Variants in GBP6 observed in about 807,000 individuals in gnomAD.
GBP6 encodes the protein guanylate-binding protein 6.
A neutral mutation model predicts 61.5 loss-of-function variants in GBP6; 54 were observed. The observed-to-expected ratio is 0.88, with a 90% CI of 0.71 to 1.10. The LOEUF (loss-of-function observed/expected upper bound fraction) is 1.10. Ranked by LOEUF, GBP6 falls within the 50% of genes least tolerant of loss-of-function variation. GBP6 has a pLI of 0.00. For synonymous variants in GBP6, 255 were observed against 273.7 expected (o/e 0.93, Z 0.67); for missense variants, 748 against 752.8 (o/e 0.99, Z 0.07).
chr1:89,379,043 G>C (rs1652886827), intron 5 of GBP6, among the ~76,000 whole-genome samples: 1 of 152,154 alleles, frequency 6.6e-6, no homozygotes, highest in Admixed American at 6.5e-5. Context: ...ATAAAGGAAT[G>C]CCTGAGCCTG....
rs1197180502 is a variant in GBP6, at chr1:89,380,617, C to T, written c.857C>T (p.Thr286Ile). 6.2e-7 allele frequency: 1 copy of T among 1,613,638 alleles called. No homozygotes were observed. Among genetic ancestry groups the T allele is most frequent in the Non-Finnish European group, 8.5e-7 (1 of 1,179,550 alleles). The change falls in exon 6 of 11, where the codon ACA (threonine) becomes ATA (isoleucine). Residue 286 changes from threonine (T) to isoleucine (I), a missense_variant. By Grantham distance (89) the Thr-to-Ile change is moderately conservative. Coordinates refer to ENST00000370456, the MANE Select transcript of GBP6 (RefSeq NM_198460.3). The stretch of plus-strand genomic sequence containing the variant: ...ACCAAGACCCTCAGGGAGGGAATCA[C>T]AGTCACTGGGAATCGTGAGTCTCCT... ...ARTKTLREGI[T>I]VTGNRLGTLA...
At position 89,380,295 on chromosome 1, in the gene GBP6, C is replaced by G; in HGVS notation, c.626-91C>G. ...GGAGGTCTGTAAGCATAGAAGATGG[C>G]AAAAAGACAATACACCCTATCAAAA... On this transcript the variant is annotated intron_variant, in intron 5 of 10. Transcript: ENST00000370456. The G allele has an allele frequency of 6.9e-6, 8 of 1,163,546 alleles. No individual in the cohort carries two copies. In the South Asian group the frequency reaches 1.2e-4, roughly 17 times the overall value. 72.1% of individuals were successfully genotyped at this position (1,163,546 alleles called of 1,614,324 possible).
chr1:89,385,390 T>C lies in GBP6; in HGVS notation c.1823T>C (p.Leu608Ser), dbSNP rs1293894812. 1 of 1,614,172 alleles carries C rather than the reference T, an allele frequency of 6.2e-7. No homozygotes were observed. Among genetic ancestry groups the C allele is most frequent in the Middle Eastern group, 1.6e-4 (1 of 6,062 alleles). ...DNLADELTAI[L>S]SAPAKLIGHG... ...CTTGCCGATGAGCTAACTGCAATAT[T>C]GTCTGCTCCTGCTAAATTAATTGGT... The change falls in exon 11 of 11, where the codon TTG (leucine) becomes TCG (serine). Residue 608 changes from leucine to serine, a missense_variant. Leu to Ser is a moderately radical substitution (Grantham distance 145). Coordinates refer to ENST00000370456, the MANE Select transcript of GBP6 (RefSeq NM_198460.3).
intron 3 of GBP6, among the ~76,000 whole-genome samples, chr1:89,371,452 A>G (rs1253496183): frequency 6.6e-6 from 1 of 152,152 alleles, no homozygotes; most frequent in Non-Finnish European, 1.5e-5. Flanking sequence ...GCACATCAAA[A>G]AGCTTATCCA....
rs147453151 is a variant in GBP6 at position 89,378,469 on chromosome 1, G to C, written c.481G>C (p.Asp161His). Residue 161 changes from aspartate to histidine, a missense_variant, in exon 5 of 11, where the codon GAT becomes CAT. Coordinates refer to ENST00000370456, the MANE Select transcript of GBP6 (RefSeq NM_198460.3). Reference sequence around the variant, plus strand: ...TAAGGCAAAGTCCTCCCCAAGGCCTGATGGAGTAGAAGATTCCACAGAGTT... The same window carrying C: ...TAAGGCAAAGTCCTCCCCAAGGCCTCATGGAGTAGAAGATTCCACAGAGTT... ...LIKAKSSPRP[D>H]GVEDSTEFVS... 1 of 1,614,160 alleles carries C rather than the reference G, an allele frequency of 6.2e-7. No homozygotes were observed. Among genetic ancestry groups the C allele is most frequent in the African/African-American group, 1.3e-5 (1 of 75,050 alleles).
Position 89,378,097 on chromosome 1 carries a change from T to C in GBP6, c.319-6T>C. ...CCTAAGTCCTTTGCTCTAATGTGCT[T>C]TTTAGGGTGACCCTAAGAATGACTC... On this transcript the variant is annotated splice_region_variant and splice_polypyrimidine_tract_variant and intron_variant, in intron 3 of 10. Coordinates refer to ENST00000370456, the MANE Select transcript of GBP6 (RefSeq NM_198460.3). 6.2e-7 allele frequency: 1 copy of C among 1,611,072 alleles called. No homozygotes were observed. Among genetic ancestry groups the C allele is most frequent in the South Asian group, 1.1e-5 (1 of 90,538 alleles).
At chr1:89,364,532 A>G (rs1652405533) in intron 1 of GBP6, among the ~76,000 whole-genome samples, 1 of 152,144 alleles carries the variant, frequency 6.6e-6, no homozygotes, top group South Asian at 2.1e-4. Context: ...TCAGAATAAG[A>G]GCTCTATAAA....
chr1:89,378,360 A>G, intron 4 of GBP6, 57 bp from the exon 5 acceptor site: 8 of 1,561,392 alleles, frequency 5.1e-6, no homozygotes, highest in African/African-American at 1.4e-5. Flanking sequence ...TAATATTTTT[A>G]TAAAAGAAAT....
rs1206394053 is a variant in GBP6, at chr1:89,385,475, T to C, written c.*6T>C. 25 of 1,612,988 alleles carry C rather than the reference T, an allele frequency of 1.5e-5. No homozygotes were observed. The highest frequency in any genetic ancestry group is 2.0e-5 in the Non-Finnish European group (24 of 1,179,420). On this transcript the variant is annotated 3_prime_UTR_variant, in exon 11 of 11. Coordinates refer to ENST00000370456, the MANE Select transcript of GBP6 (RefSeq NM_198460.3). ...AGCATAAGCTCCCCTTTTAAGGATA[T>C]TATAGATTGTACATATATGCTTTGG...
intron 3 of GBP6, among the ~76,000 whole-genome samples, chr1:89,373,781 T>A (rs912437542): frequency 2.0e-5 from 3 of 152,086 alleles, no homozygotes; most frequent in East Asian, 3.9e-4. Flanking sequence ...AACCTGCATG[T>A]TGTGCACATG....
Position 89,382,873 on chromosome 1 carries a change from A to G in GBP6, c.1362A>G (p.Val454=). 6.2e-7 allele frequency: 1 copy of G among 1,607,924 alleles called. No individual in the cohort carries two copies. Among genetic ancestry groups the G allele is most frequent in the South Asian group, 1.1e-5 (1 of 90,958 alleles). The change falls in exon 8 of 11, where the codon GTA becomes GTG. Residue 454 remains valine, a synonymous_variant. Coordinates refer to ENST00000370456, the MANE Select transcript of GBP6 (RefSeq NM_198460.3). The part of the protein sequence containing the change: ...QDYWQVPRKG[V]KAKEVFQRFL... ...ATTGGCAAGTTCCCAGGAAAGGAGT[A>G]AAGGTAAGGAATAAGGGGAGCATGG...
At position 89,383,804 on chromosome 1, in the gene GBP6, C is replaced by A. The variant is rs746536447; in HGVS notation, c.1468+50C>A. 6 of 1,313,124 alleles carry A rather than the reference C, an allele frequency of 4.6e-6. No homozygotes were observed. The South Asian group carries it at 6.4e-5, about 14-fold the overall frequency. 81.3% of individuals were successfully genotyped at this position (1,313,124 alleles called of 1,614,324 possible). On this transcript the variant is annotated intron_variant, in intron 9 of 10. Transcript: ENST00000370456. ...CAGGAGGGGTACGTTTATACAATGC[C>A]CTCTAACAGATCTAACAGGAAAACC... is the stretch of plus-strand genomic sequence containing the variant.
chr1:89,377,691 T>C (rs146625797), intron 3 of GBP6, among the ~76,000 whole-genome samples: 1 of 152,346 alleles, frequency 6.6e-6, no homozygotes, highest in East Asian at 1.9e-4. Context: ...CAGTTTCCTA[T>C]AAGTGTTTGC....
intron 3 of GBP6, among the ~76,000 whole-genome samples, chr1:89,371,832 A>G (rs1161684766): frequency 2.0e-5 from 3 of 152,160 alleles, no homozygotes; most frequent in African/African-American, 4.8e-5. Flanking sequence ...GGCAGGAGAA[A>G]GAAATAAAGG....
In GBP6 at chr1:89,384,173, G is replaced by A. The variant is rs1653069236; in HGVS notation, c.1549G>A (p.Glu517Lys). 7 of 1,613,924 alleles carry A rather than the reference G, an allele frequency of 4.3e-6. No homozygotes were observed. In the South Asian group the frequency reaches 6.6e-5, roughly 15 times the overall value. The change falls in exon 10 of 11, where the codon GAG becomes AAG. Residue 517 changes from glutamate to lysine, a missense_variant. Physicochemically the swap from Glu to Lys is moderately conservative, Grantham distance 56 (BLOSUM62 1). Transcript: ENST00000370456. ...QKLQEQQQQMEAQDKSRKENI... is the reference protein window; with the variant it reads ...QKLQEQQQQMKAQDKSRKENI... ...ATTACAGGAGCAGCAGCAACAGATG[G>A]AGGCTCAAGATAAGAGTCGCAAGGA...
chr1:89,373,039 A>G (rs569228738), intron 3 of GBP6, among the ~76,000 whole-genome samples: 1 of 152,360 alleles, frequency 6.6e-6, no homozygotes, highest in East Asian at 1.9e-4. Flanking sequence ...GAAGACATTT[A>G]TGCACCCAGC....
chr1:89,385,591 T>C lies in GBP6; in HGVS notation c.*122T>C, dbSNP rs1423958167. 2.1e-6 allele frequency: 2 copies of C among 931,684 alleles called. No individual in the cohort carries two copies. Among genetic ancestry groups the C allele is most frequent in the East Asian group, 2.6e-5 (1 of 37,844 alleles). 57.7% of individuals were successfully genotyped at this position (931,684 alleles called of 1,614,324 possible). ...CTCTGTTGCCCAGGCTGGAGTACAG[T>C]GGTGCAATCTCAGCTCACTGCAACC... On this transcript the variant is annotated 3_prime_UTR_variant, in exon 11 of 11. Coordinates refer to ENST00000370456, the MANE Select transcript of GBP6 (RefSeq NM_198460.3).
At chr1:89,373,269 G>A (rs1480634135) in intron 3 of GBP6, among the ~76,000 whole-genome samples, 1 of 152,142 alleles carries the variant, frequency 6.6e-6, no homozygotes, top group East Asian at 1.9e-4. Flanking sequence ...ATTCCTCAAG[G>A]ATCTAGAACT....
rs776753385 is a variant in GBP6 at position 89,378,481 on chromosome 1, G to A, written c.493G>A (p.Asp165Asn). The A allele has an allele frequency of 6.2e-7, 1 of 1,614,064 alleles. No homozygotes were observed. Among genetic ancestry groups the A allele is most frequent in the Non-Finnish European group, 8.5e-7 (1 of 1,180,002 alleles). ...CTCCCCAAGGCCTGATGGAGTAGAAGATTCCACAGAGTTTGTGAGTTTCTT... is the reference window on the plus strand; with the variant it reads ...CTCCCCAAGGCCTGATGGAGTAGAAAATTCCACAGAGTTTGTGAGTTTCTT... ...KSSPRPDGVE[D>N]STEFVSFFPD... The change falls in exon 5 of 11, where the codon GAT becomes AAT. Residue 165 changes from aspartate to asparagine, a missense_variant. Physicochemically the swap from Asp to Asn is conservative, Grantham distance 23. Transcript: ENST00000370456.
Sources: allele counts gnomAD v4.1 joint callset (sites outside exome capture counted in the v4.1 genomes callset), GRCh38; gene constraint gnomAD v4.1.1; transcripts MANE v1.5; gene names NCBI Gene and HGNC (gene_info 2026-07-23, HGNC 2026-07-21).